The following SOX5 variants were observed in gnomAD, a reference collection of about 807,000 sequenced individuals.
SOX5 encodes the protein transcription factor SOX-5.
SOX5 carries 9 observed loss-of-function variants against 92.0 expected under a neutral mutation model. The observed-to-expected ratio is 0.10, with a 90% CI of 0.06 to 0.17. The LOEUF (loss-of-function observed/expected upper bound fraction) is 0.17, where lower values mean the gene tolerates loss of function less well. Ranked by LOEUF, SOX5 falls within the 10% of genes least tolerant of loss-of-function variation. The pLI, the probability that SOX5 is intolerant of heterozygous loss-of-function variation, is 1.00. For missense variants in SOX5, 642 were observed against 944.5 expected (o/e 0.68, Z 4.20); for synonymous variants, 344 against 336.3 (o/e 1.02, Z -0.25).
At chr12:23,707,289 A>G (rs927447400) in intron 6 of SOX5, among the ~76,000 whole-genome samples, 9 of 152,152 alleles carry the variant, frequency 5.9e-5, no homozygotes, top group African/African-American at 2.2e-4. Context: ...AATCGTTAGC[A>G]GGTAGCAACA....
intron 3 of SOX5, among the ~76,000 whole-genome samples, chr12:24,246,241 A>C (rs1400605868): frequency 2.0e-5 from 3 of 149,864 alleles, no homozygotes; most frequent in Non-Finnish European, 4.4e-5. Context: ...TTTTTTGCCT[A>C]ATTTTTTTTT....
intron 1 of SOX5, among the ~76,000 whole-genome samples, chr12:24,491,409 C>G (rs542378006): frequency 6.6e-6 from 1 of 152,088 alleles, no homozygotes; most frequent in South Asian, 2.1e-4. Context: ...CTGAACATCC[C>G]TCTCACACCT....
At chr12:24,171,684 G>C (rs74068424) in intron 4 of SOX5, among the ~76,000 whole-genome samples, 3,112 of 152,100 alleles carry the variant, frequency 0.02, 106 homozygotes, top group African/African-American at 0.07. Context: ...GTGAATAGGG[G>C]GCTAGAGAAG....
At chr12:24,361,100 T>A (rs1955505920) in intron 2 of SOX5, among the ~76,000 whole-genome samples, 1 of 152,118 alleles carries the variant, frequency 6.6e-6, no homozygotes, top group Non-Finnish European at 1.5e-5. Context: ...GCACATTCCT[T>A]TCTCTTCTGT....
intron 4 of SOX5, among the ~76,000 whole-genome samples, chr12:24,006,491 G>A (rs1244142417): frequency 1.3e-5 from 2 of 151,958 alleles, no homozygotes; most frequent in East Asian, 1.9e-4. Context: ...TTGAGCATAA[G>A]TCACTCAGTC....
At chr12:23,890,212 C>T (rs1035750880) in intron 2 of SOX5, among the ~76,000 whole-genome samples, 3 of 151,660 alleles carry the variant, frequency 2.0e-5, no homozygotes, top group South Asian at 2.1e-4. Flanking sequence ...CCTGGCTATT[C>T]GCAAGCCTTA....
At chr12:24,257,190 C>G (rs943484811) in intron 3 of SOX5, among the ~76,000 whole-genome samples, 1 of 152,190 alleles carries the variant, frequency 6.6e-6, no homozygotes, top group Non-Finnish European at 1.5e-5. Flanking sequence ...AATGAAAAGT[C>G]AGAGAAAGGC....
chr12:23,884,523 G>A (rs147861467), intron 2 of SOX5, among the ~76,000 whole-genome samples: 3 of 152,246 alleles, frequency 2.0e-5, no homozygotes, highest in East Asian at 1.9e-4. Context: ...AAGTTAACCC[G>A]AAGTTAGGGT....
chr12:24,305,038 T>C (rs544862767), intron 2 of SOX5, among the ~76,000 whole-genome samples: 1 of 152,148 alleles, frequency 6.6e-6, no homozygotes, highest in African/African-American at 2.4e-5. Flanking sequence ...ATGACGATGA[T>C]CAAAGGGAAG....
intron 1 of SOX5, among the ~76,000 whole-genome samples, chr12:24,384,221 C>T (rs766133052): frequency 2.0e-5 from 3 of 152,154 alleles, no homozygotes; most frequent in Non-Finnish European, 2.9e-5. Context: ...ATAAGGAGTG[C>T]ACAACCTAGA....
chr12:24,209,040 A>T (rs1958311667), intron 4 of SOX5, among the ~76,000 whole-genome samples: 1 of 152,232 alleles, frequency 6.6e-6, no homozygotes, highest in Non-Finnish European at 1.5e-5. Flanking sequence ...TTTGTACATG[A>T]AGGGAGTGGT....
At chr12:23,770,951 T>C (rs1256111121) in intron 3 of SOX5, among the ~76,000 whole-genome samples, 1 of 152,106 alleles carries the variant, frequency 6.6e-6, no homozygotes, top group Non-Finnish European at 1.5e-5. Context: ...TATATCTTTC[T>C]GTCACAGTGG....
At chr12:24,303,024 C>G (rs1198778362) in intron 2 of SOX5, among the ~76,000 whole-genome samples, 3 of 151,894 alleles carry the variant, frequency 2.0e-5, no homozygotes, top group Admixed American at 6.6e-5. Flanking sequence ...TCAGTATGAA[C>G]CAGAAAGGCC....
intron 2 of SOX5, among the ~76,000 whole-genome samples, chr12:24,353,660 G>A (rs1396197601): frequency 1.3e-5 from 2 of 151,726 alleles, no homozygotes; most frequent in African/African-American, 2.4e-5. Context: ...TTTTTTAGGG[G>A]GATGGAGTCT....
At chr12:24,329,486 C>T (rs1951060664) in intron 2 of SOX5, among the ~76,000 whole-genome samples, 1 of 152,166 alleles carries the variant, frequency 6.6e-6, no homozygotes, top group African/African-American at 2.4e-5. Context: ...CCAGGTCTCT[C>T]CTTCAACATC....
intron 3 of SOX5, among the ~76,000 whole-genome samples, chr12:24,230,267 A>C (rs1963091982): frequency 6.6e-6 from 1 of 152,148 alleles, no homozygotes; most frequent in Non-Finnish European, 1.5e-5. Flanking sequence ...ACTTCCCGTC[A>C]TTAGCTGAGA....
intron 9 of SOX5, among the ~76,000 whole-genome samples, chr12:23,599,499 A>G (rs1440545491): frequency 6.6e-6 from 1 of 152,230 alleles, no homozygotes; most frequent in Non-Finnish European, 1.5e-5. Context: ...GGCAAGGTTA[A>G]AAGAAAAGCA....
chr12:24,096,718 A>G (rs1945458994), intron 4 of SOX5, among the ~76,000 whole-genome samples: 1 of 152,174 alleles, frequency 6.6e-6, no homozygotes, highest in Non-Finnish European at 1.5e-5. Context: ...AACCATTGAG[A>G]AAATTTGGCT....
intron 4 of SOX5, among the ~76,000 whole-genome samples, chr12:23,994,789 C>T (rs1432457000): frequency 6.6e-6 from 1 of 152,088 alleles, no homozygotes; most frequent in Non-Finnish European, 1.5e-5. Context: ...AGCAAATTTC[C>T]CAAACCTTCA....
Sources: allele counts gnomAD v4.1 joint callset (sites outside exome capture counted in the v4.1 genomes callset), GRCh38; gene constraint gnomAD v4.1.1; transcripts MANE v1.5; gene names NCBI Gene and HGNC (gene_info 2026-07-23, HGNC 2026-07-21).